PIWIL3: variants seen among roughly 807,000 people sequenced by gnomAD.
The protein encoded by PIWIL3 is piwi-like protein 3.
In PIWIL3, 101 loss-of-function variants were observed where a neutral mutation model predicts 109.7. The observed-to-expected ratio is 0.92, with a 90% CI of 0.78 to 1.09. The LOEUF is 1.09. PIWIL3 is among the 50% of genes least tolerant of loss of function. The pLI, the probability that PIWIL3 is intolerant of heterozygous loss-of-function variation, is 0.00. For missense variants in PIWIL3, 1,031 were observed against 1,072.6 expected, an observed-to-expected ratio of 0.96 and a Z score of 0.54; for synonymous variants, 373 against 376.4, an observed-to-expected ratio of 0.99 and a Z score of 0.10.
Position 24,752,441 on chromosome 22 carries a change from A to T in PIWIL3, c.978-943T>A, listed in dbSNP as rs368857611. ...AGGGTGGGATGGCCAGCCTCTTCGCAGGCTATGTAAATGGCACACCTGGTC... is the reference window on the plus strand; with the variant it reads ...AGGGTGGGATGGCCAGCCTCTTCGCTGGCTATGTAAATGGCACACCTGGTC... On this transcript the variant is annotated intron_variant, in intron 8 of 20. Coordinates refer to ENST00000616349, the MANE Select transcript of PIWIL3 (RefSeq NM_001255975.1). 1.7e-4 allele frequency among the ~76,000 whole-genome samples: 26 copies of T among 152,222 alleles called. No individual in the cohort carries two copies. The East Asian group carries it at 3.5e-3, about 20-fold the overall frequency.
intron 12 of PIWIL3, among the ~76,000 whole-genome samples, chr22:24,743,715 A>T (rs189217784): frequency 1.4e-4 from 22 of 152,302 alleles, no homozygotes; most frequent in African/African-American, 5.1e-4. Flanking sequence ...TGTTCAGTAC[A>T]GTGTACACTG....
At chr22:24,732,537 C>A (rs559181785) in intron 14 of PIWIL3, among the ~76,000 whole-genome samples, 6 of 152,262 alleles carry the variant, frequency 3.9e-5, no homozygotes, top group African/African-American at 9.6e-5. Context: ...AAAAGGTAAT[C>A]TTGAGGCCGG....
intron 8 of PIWIL3, 39 bp from the exon 9 acceptor site, chr22:24,751,537 C>A: frequency 6.3e-7 from 1 of 1,596,538 alleles, no homozygotes; most frequent in South Asian, 1.1e-5. Context: ...TTGACTTATT[C>A]ATCACATGGA....
chr22:24,738,587 TA>T (rs2147671679), intron 12 of PIWIL3, among the ~76,000 whole-genome samples: 1 of 152,348 alleles, frequency 6.6e-6, no homozygotes, highest in South Asian at 2.1e-4. Context: ...CTCTGCCTGG[TA>T]ATCCAGAAGT....
intron 12 of PIWIL3, among the ~76,000 whole-genome samples, chr22:24,744,671 G>A (rs1432800598): frequency 6.6e-6 from 1 of 152,172 alleles, no homozygotes; most frequent in Non-Finnish European, 1.5e-5. Flanking sequence ...CAACAATAAA[G>A]TGGTCAATTC....
intron 12 of PIWIL3, among the ~76,000 whole-genome samples, chr22:24,748,634 C>T (rs1205596368): frequency 6.6e-6 from 1 of 151,792 alleles, no homozygotes; most frequent in Non-Finnish European, 1.5e-5. Flanking sequence ...ATTCTAGGTA[C>T]TTGACTCTTA....
intron 1 of PIWIL3, among the ~76,000 whole-genome samples, chr22:24,767,519 C>A (rs1269700114): frequency 2.0e-5 from 3 of 151,110 alleles, no homozygotes; most frequent in Non-Finnish European, 4.4e-5. Context: ...CCATTGCACT[C>A]CAGCCTGGGC....
At chr22:24,758,894 A>T (rs966734205) in intron 3 of PIWIL3, among the ~76,000 whole-genome samples, 3 of 151,684 alleles carry the variant, frequency 2.0e-5, no homozygotes, top group African/African-American at 7.3e-5. Context: ...CTCGCTACAA[A>T]CCACATACTT....
At chr22:24,753,863 G>T in intron 8 of PIWIL3, 151 bp downstream of exon 8, 1 of 650,190 alleles carries the variant, frequency 1.5e-6, no homozygotes, top group Non-Finnish European at 2.7e-6. Flanking sequence ...CTCCCAAGTT[G>T]TATAACCAGA....
intron 12 of PIWIL3, among the ~76,000 whole-genome samples, chr22:24,748,243 C>A (rs962989490): frequency 6.6e-6 from 1 of 152,034 alleles, no homozygotes; most frequent in Non-Finnish European, 1.5e-5. Context: ...CAATTGAACT[C>A]ATGGAGATAG....
At position 24,749,718 on chromosome 22, in the gene PIWIL3, C is replaced by T. The variant is rs1169281561; in HGVS notation, c.1191G>A (p.Leu397=). The stretch of plus-strand genomic sequence containing the variant: ...CTGTCATGTGGCACAGCTGAGGAAT[C>T]AGCAGGATAGGTTCACGTTGTGTAC... The part of the protein sequence containing the change: ...LTGTQREPIL[L]IPQLCHMTGL... The change falls in exon 10 of 21, where the codon CTG becomes CTA. Residue 397 remains leucine (L), a synonymous_variant. Transcript: ENST00000616349. 2 of 1,614,090 alleles carry T rather than the reference C, an allele frequency of 1.2e-6. No homozygotes were observed. Among genetic ancestry groups the T allele is most frequent in the South Asian group, 1.1e-5 (1 of 91,072 alleles).
At chr22:24,740,624 A>G (rs1009867696) in intron 12 of PIWIL3, among the ~76,000 whole-genome samples, 4 of 152,026 alleles carry the variant, frequency 2.6e-5, no homozygotes, top group Admixed American at 6.6e-5. Context: ...CAAGGCCACT[A>G]TGAACACCTT....
chr22:24,765,942 G>A (rs1456098711), intron 1 of PIWIL3, among the ~76,000 whole-genome samples: 2 of 151,688 alleles, frequency 1.3e-5, no homozygotes, highest in African/African-American at 4.8e-5. Context: ...TGTGTGCAGA[G>A]TCCATTTCCC....
intron 1 of PIWIL3, among the ~76,000 whole-genome samples, chr22:24,765,005 G>A (rs556598523): frequency 7.2e-5 from 11 of 152,282 alleles, no homozygotes; most frequent in Middle Eastern, 3.4e-3. Flanking sequence ...TAAACCTGGA[G>A]ATAATAACAT....
rs71189272 is a variant in PIWIL3, at chr22:24,740,218, C to CAAAA, written c.1450-4330_1450-4327dup. ...CCTGGGCAACGGAGGGAGACTGTCT[C>CAAAA]AAAAAAAAAAAAAAAATTTCTAAAA... On this transcript the variant is annotated intron_variant, in intron 12 of 20. Coordinates refer to ENST00000616349, the MANE Select transcript of PIWIL3 (RefSeq NM_001255975.1). Among the ~76,000 whole-genome samples the CAAAA allele has an allele frequency of 3.8e-3, 243 of 63,892 alleles. 15 individuals are homozygous for CAAAA. Among genetic ancestry groups the CAAAA allele is most frequent in the Middle Eastern group, 0.014 (1 of 72 alleles). The allele number at this position is 63,892 out of a possible 152,430, so 41.9% of individuals were successfully genotyped here. A position where few individuals can be genotyped will look rare whatever the true frequency, so the allele number is the denominator to read the frequency against.
At chr22:24,722,594 G>A (rs1441094250) in intron 19 of PIWIL3, among the ~76,000 whole-genome samples, 1 of 151,986 alleles carries the variant, frequency 6.6e-6, no homozygotes, top group Non-Finnish European at 1.5e-5. Flanking sequence ...GCACCTGTAA[G>A]CCCAGCTACT....
At chr22:24,740,234 A>AAAAAAAAAAAAAT (rs1923916259) in intron 12 of PIWIL3, among the ~76,000 whole-genome samples, 1 of 149,404 alleles carries the variant, frequency 6.7e-6, no homozygotes, top group Non-Finnish European at 1.5e-5. Flanking sequence ...AAAAAAAAAA[A>AAAAAAAAAAAAAT]TTTCTAAAAG....
In PIWIL3 at chr22:24,754,180, C is replaced by A. The variant is rs147428373; in HGVS notation, c.811G>T (p.Val271Phe). ...LEIWLGYVTS[V>F]LQYENSITLC... ...GTAATGCTGTTTTCGTATTGAAGAA[C>A]AGAAGTAACATAACCAAGCCAGATT... The change falls in exon 8 of 21, where the codon GTT (valine) becomes TTT (phenylalanine). Residue 271 changes from valine to phenylalanine, a missense_variant. Val to Phe is a conservative substitution (Grantham distance 50). Transcript: ENST00000616349. 3 of 1,614,008 alleles carry A rather than the reference C, an allele frequency of 1.9e-6. No individual in the cohort carries two copies. Among genetic ancestry groups the A allele is most frequent in the Non-Finnish European group, 2.5e-6 (3 of 1,179,950 alleles).
chr22:24,760,166 G>T (rs1293740746), intron 2 of PIWIL3, among the ~76,000 whole-genome samples, 177 bp from the exon 3 acceptor site: 1 of 151,894 alleles, frequency 6.6e-6, no homozygotes, highest in Non-Finnish European at 1.5e-5. Context: ...AATTGCTAAG[G>T]AAAAAAACAA....
Sources: allele counts gnomAD v4.1 joint callset (sites outside exome capture counted in the v4.1 genomes callset), GRCh38; gene constraint gnomAD v4.1.1; transcripts MANE v1.5; gene names NCBI Gene and HGNC (gene_info 2026-07-23, HGNC 2026-07-21).